Variants in ERO1A observed in about 807,000 individuals in gnomAD.
ERO1A encodes endoplasmic reticulum oxidoreductase 1 alpha, also known as ERO1-like protein alpha.
Under a neutral mutation model 76.9 loss-of-function variants are expected in ERO1A, and 49 were observed. That is an observed-to-expected ratio of 0.64 (90% CI 0.51 to 0.81). The LOEUF is 0.81. ERO1A is among the 30% of genes least tolerant of loss of function. ERO1A has a pLI of 0.00. For missense variants in ERO1A, 448 were observed against 542.1 expected, an observed-to-expected ratio of 0.83 and a Z score of 1.72; for synonymous variants, 174 against 181.2, an observed-to-expected ratio of 0.96 and a Z score of 0.32.
At position 52,674,351 on chromosome 14, in the gene ERO1A, C is replaced by T. The variant is rs189782947; in HGVS notation, c.358-2480G>A. 1.1e-4 allele frequency among the ~76,000 whole-genome samples: 16 copies of T among 152,200 alleles called. No homozygotes were observed. The East Asian group carries it at 3.1e-3, about 29-fold the overall frequency. On this transcript the variant is annotated intron_variant, in intron 4 of 15. Transcript: ENST00000395686. ...AGGACTATGGGCATGCACCACCACACTTGGCTAATTTTTTTTTAGTTTTTA... is the reference window on the plus strand; with the variant it reads ...AGGACTATGGGCATGCACCACCACATTTGGCTAATTTTTTTTTAGTTTTTA...
chr14:52,645,658 C>G (rs1366316459), intron 15 of ERO1A, among the ~76,000 whole-genome samples: 1 of 152,038 alleles, frequency 6.6e-6, no homozygotes, highest in African/African-American at 2.4e-5. Context: ...TGTCTACATA[C>G]TGGAGGTATT....
intron 8 of ERO1A, among the ~76,000 whole-genome samples, chr14:52,663,490 C>G (rs573579086): frequency 1.3e-5 from 2 of 151,510 alleles, no homozygotes; most frequent in East Asian, 3.9e-4. Context: ...GTCCCAGCTA[C>G]TGAGGAGGCT....
intron 6 of ERO1A, among the ~76,000 whole-genome samples, chr14:52,670,256 T>C (rs753072472): frequency 6.6e-6 from 1 of 152,206 alleles, no homozygotes; most frequent in Non-Finnish European, 1.5e-5. Flanking sequence ...CACAGAAGAA[T>C]ACCAAGACTC....
At chr14:52,691,908 A>G (rs186554776) in intron 1 of ERO1A, among the ~76,000 whole-genome samples, 184 of 152,358 alleles carry the variant, frequency 1.2e-3, no homozygotes, top group Non-Finnish European at 1.6e-3. Context: ...GCAATTAATC[A>G]TTCATTTTGA....
At chr14:52,678,229 T>G in intron 4 of ERO1A, 1 of 382,682 alleles carries the variant, frequency 2.6e-6, no homozygotes, top group South Asian at 7.6e-5. Context: ...ACGCCACTGC[T>G]CCATCTCAAA....
chr14:52,675,257 C>T (rs1476232311), intron 4 of ERO1A, among the ~76,000 whole-genome samples: 1 of 152,018 alleles, frequency 6.6e-6, no homozygotes, highest in Non-Finnish European at 1.5e-5. Flanking sequence ...GTGGCGCATG[C>T]CTGTAATCCC....
intron 1 of ERO1A, among the ~76,000 whole-genome samples, chr14:52,685,294 T>C (rs1030066251): frequency 6.6e-6 from 1 of 152,176 alleles, no homozygotes; most frequent in Admixed American, 6.6e-5. Flanking sequence ...TTTGGACTAA[T>C]TCAGTTTCTA....
intron 9 of ERO1A, among the ~76,000 whole-genome samples, chr14:52,661,062 A>G (rs535138140): frequency 6.6e-6 from 1 of 152,272 alleles, no homozygotes; most frequent in African/African-American, 2.4e-5. Context: ...GAGAGGTAAA[A>G]TGTGCAAATG....
At chr14:52,663,217 T>C (rs2040284982) in intron 8 of ERO1A, among the ~76,000 whole-genome samples, 1 of 152,148 alleles carries the variant, frequency 6.6e-6, no homozygotes, top group South Asian at 2.1e-4. Context: ...AAAACTGACA[T>C]TTTACTATGT....
intron 4 of ERO1A, among the ~76,000 whole-genome samples, chr14:52,677,153 A>T (rs553275051): frequency 1.3e-5 from 2 of 152,090 alleles, no homozygotes; most frequent in African/African-American, 2.4e-5. Flanking sequence ...CTCATGTTTT[A>T]AAAAAAATCA....
chr14:52,645,847 TACACACACACACACAC>T (rs113770296), intron 15 of ERO1A, among the ~76,000 whole-genome samples: 6 of 145,230 alleles, frequency 4.1e-5, no homozygotes, highest in African/African-American at 1.0e-4. Flanking sequence ...CTACTAAAAA[TACACACACACACACAC>T]ACACACACAC....
Position 52,683,820 on chromosome 14 carries a change from GT to G in ERO1A, c.201del (p.Lys67AsnfsTer13). 3 of 1,549,964 alleles carry G rather than the reference GT, an allele frequency of 1.9e-6. No homozygotes were observed. The highest frequency in any genetic ancestry group is 1.7e-5 in the Admixed American group (1 of 57,934). On this transcript the variant is annotated frameshift_variant, in exon 2 of 16. Coordinates refer to ENST00000395686, the MANE Select transcript of ERO1A (RefSeq NM_014584.3). LOFTEE classifies it high-confidence loss of function. ...NNYRLFPRLQ[K>X]LLESDYFRYY... ...TACCTAAAGTAGTCACTTTCAAGAA[GT>G]TTTTGTAGTCTTGGGAAAAGCCTGT...
intron 1 of ERO1A, among the ~76,000 whole-genome samples, chr14:52,688,937 C>A (rs1423899558): frequency 6.6e-6 from 1 of 152,174 alleles, no homozygotes. Flanking sequence ...TCACACAAAG[C>A]ACTATAAGAA....
At chr14:52,664,825 G>T (rs937827947) in intron 7 of ERO1A, among the ~76,000 whole-genome samples, 5 of 152,000 alleles carry the variant, frequency 3.3e-5, no homozygotes, top group Admixed American at 3.3e-4. Context: ...TCGAGTAGCT[G>T]GGACTACAGG....
intron 9 of ERO1A, among the ~76,000 whole-genome samples, chr14:52,659,765 A>C (rs2040169414): frequency 6.6e-6 from 1 of 150,476 alleles, no homozygotes; most frequent in African/African-American, 2.4e-5. Flanking sequence ...ACTGCTTAGG[A>C]CCTAGGCTTC....
At chr14:52,689,680 G>T (rs1240559920) in intron 1 of ERO1A, among the ~76,000 whole-genome samples, 1 of 151,978 alleles carries the variant, frequency 6.6e-6, no homozygotes, top group East Asian at 1.9e-4. Flanking sequence ...TAAATTGAGA[G>T]AATTAATATT....
At chr14:52,675,133 C>G (rs1292032299) in intron 4 of ERO1A, among the ~76,000 whole-genome samples, 3 of 152,064 alleles carry the variant, frequency 2.0e-5, no homozygotes, top group Non-Finnish European at 4.4e-5. Flanking sequence ...CCTGTAATCC[C>G]AGCATTCTGG....
intron 4 of ERO1A, among the ~76,000 whole-genome samples, chr14:52,676,572 T>G (rs1247198260): frequency 6.6e-6 from 1 of 152,200 alleles, no homozygotes; most frequent in Non-Finnish European, 1.5e-5. Flanking sequence ...GTGTAATTAT[T>G]TTTCAGCAAG....
At chr14:52,689,530 T>C (rs926184806) in intron 1 of ERO1A, among the ~76,000 whole-genome samples, 2 of 151,988 alleles carry the variant, frequency 1.3e-5, no homozygotes, top group African/African-American at 4.8e-5. Context: ...AACAATTCTA[T>C]TTAGAATAGA....
Sources: allele counts gnomAD v4.1 joint callset (sites outside exome capture counted in the v4.1 genomes callset), GRCh38; gene constraint gnomAD v4.1.1; transcripts MANE v1.5; gene names NCBI Gene and HGNC (gene_info 2026-07-23, HGNC 2026-07-21).